KRIT1: variants seen among roughly 807,000 people sequenced by gnomAD.
KRIT1 encodes the protein KRIT1 ankyrin repeat containing, also known as krev interaction trapped protein 1.
A neutral mutation model predicts 95.8 loss-of-function variants in KRIT1; 45 were observed. The observed-to-expected ratio is 0.47, with a 90% CI of 0.37 to 0.60. KRIT1 has a LOEUF of 0.60. Among genes scored for constraint, KRIT1 ranks in the 20% least tolerant of loss-of-function variants. The pLI is 0.00. For synonymous variants in KRIT1, 282 were observed against 278.8 expected (o/e 1.01, Z -0.11); for missense variants, 788 against 877.5 (o/e 0.90, Z 1.29).
At position 92,235,630 on chromosome 7, in the gene KRIT1, G is replaced by A; in HGVS notation, c.502C>T (p.His168Tyr). ...IALDKWLDER[H>Y]AQSHFIPALF... Reference sequence around the variant, plus strand: ...GCTGGAATAAAGTGAGATTGTGCATGACGTTCATCTAACCACCTGGCAAAA... The same window carrying A: ...GCTGGAATAAAGTGAGATTGTGCATAACGTTCATCTAACCACCTGGCAAAA... Residue 168 changes from histidine (H) to tyrosine (Y), a missense_variant, in exon 8 of 19, where the codon CAT becomes TAT. His to Tyr is a moderately conservative substitution (Grantham distance 83). Around this residue, in one of 3 missense-constraint regions of KRIT1, gnomAD observed 289 missense variants for 277.5 expected, o/e 1.04. Coordinates refer to ENST00000394505, the MANE Select transcript of KRIT1 (RefSeq NM_194454.3). 2 of 1,613,750 alleles carry A rather than the reference G, an allele frequency of 1.2e-6. No individual in the cohort carries two copies. Among genetic ancestry groups the A allele is most frequent in the Non-Finnish European group, 1.7e-6 (2 of 1,179,888 alleles).
chr7:92,243,012 G>C (rs1800028828), intron 3 of KRIT1, among the ~76,000 whole-genome samples: 1 of 152,168 alleles, frequency 6.6e-6, no homozygotes, highest in Non-Finnish European at 1.5e-5. Flanking sequence ...TAGAGATGGA[G>C]TTTTACCATG....
chr7:92,213,864 G>T, intron 16 of KRIT1, 28 bp downstream of exon 16: 1 of 1,315,576 alleles, frequency 7.6e-7, no homozygotes, highest in Non-Finnish European at 1.1e-6. Flanking sequence ...CCTATAAAAT[G>T]TCTTTTCATT....
intron 17 of KRIT1, among the ~76,000 whole-genome samples, chr7:92,211,107 T>C (rs367893791): frequency 6.6e-6 from 1 of 152,186 alleles, no homozygotes; most frequent in African/African-American, 2.4e-5. Context: ...AGAGCCATTA[T>C]GGAAAACAGT....
intron 17 of KRIT1, among the ~76,000 whole-genome samples, chr7:92,209,301 C>T (rs569254010): frequency 3.3e-5 from 5 of 152,218 alleles, no homozygotes; most frequent in Middle Eastern, 3.4e-3. Flanking sequence ...GACAAGGATA[C>T]CCCACTTTCA....
At chr7:92,214,490 T>C in intron 15 of KRIT1, 121 bp downstream of exon 15, 1 of 734,228 alleles carries the variant, frequency 1.4e-6, no homozygotes, top group Non-Finnish European at 2.3e-6. Context: ...TTCTATGTCT[T>C]ATATTATTTA....
At chr7:92,231,724 A>G (rs1282173127) in intron 10 of KRIT1, among the ~76,000 whole-genome samples, 1 of 152,194 alleles carries the variant, frequency 6.6e-6, no homozygotes, top group African/African-American at 2.4e-5. Flanking sequence ...CAATTAAATG[A>G]GGCATCCAAC....
intron 17 of KRIT1, among the ~76,000 whole-genome samples, chr7:92,207,715 G>C (rs1436283047): frequency 6.6e-6 from 1 of 152,126 alleles, no homozygotes; most frequent in Admixed American, 6.6e-5. Context: ...AAATTAGCCA[G>C]GTGTGGTGGC....
chr7:92,214,467 A>G (rs941533927), intron 15 of KRIT1, 144 bp downstream of exon 15: 7 of 644,728 alleles, frequency 1.1e-5, no homozygotes, highest in Admixed American at 6.1e-5. Flanking sequence ...CTTTAGTATA[A>G]TATTTTTTCT....
chr7:92,210,939 G>A (rs879768457), intron 17 of KRIT1, among the ~76,000 whole-genome samples: 5 of 152,044 alleles, frequency 3.3e-5, no homozygotes, highest in African/African-American at 7.2e-5. Flanking sequence ...TGCTTACCAC[G>A]AGTAATCATC....
chr7:92,214,338 T>A (rs543254029), intron 15 of KRIT1, among the ~76,000 whole-genome samples: 3 of 152,232 alleles, frequency 2.0e-5, no homozygotes, highest in Admixed American at 1.3e-4. Context: ...TACTACTTAT[T>A]CGAGTCAGGT....
chr7:92,214,488 CTTATA>C (rs765941314), intron 15 of KRIT1, 118 bp downstream of exon 15: 11 of 726,982 alleles, frequency 1.5e-5, no homozygotes, highest in African/African-American at 1.4e-4. Flanking sequence ...CATTCTATGT[CTTATA>C]TTATTTAATT....
chr7:92,206,652 A>T (rs1043007863), intron 17 of KRIT1: 2 of 152,218 alleles, frequency 1.3e-5, no homozygotes, highest in Non-Finnish European at 2.9e-5. Flanking sequence ...AAATATAACG[A>T]TACAAAAAAC....
rs1798449774 is a variant in KRIT1, at chr7:92,236,453, A to T, written c.445T>A (p.Phe149Ile). The change falls in exon 7 of 19, where the codon TTT (phenylalanine) becomes ATT (isoleucine). Residue 149 changes from phenylalanine to isoleucine, a missense_variant. Around this residue, in one of 3 missense-constraint regions of KRIT1, gnomAD observed 289 missense variants for 277.5 expected, o/e 1.04. Transcript: ENST00000394505. ...MRVCSESSTH[F>I]ATLTARMLIA... ...AACATCCTTGCTGTAAGTGTAGCAA[A>T]ATGAGTACTGGATTCACTACAGACT... The T allele has an allele frequency of 6.2e-7, 1 of 1,606,118 alleles. No homozygotes were observed. The highest frequency in any genetic ancestry group is 1.7e-5 in the Admixed American group (1 of 59,982).
intron 8 of KRIT1, 50 bp from the exon 9 acceptor site, chr7:92,234,973 A>C: frequency 2.3e-6 from 2 of 859,580 alleles, no homozygotes; most frequent in Non-Finnish European, 4.0e-6. Context: ...TTGTCATCTT[A>C]ATGTTTACAT....
At chr7:92,240,861 T>A in intron 5 of KRIT1, 132 bp downstream of exon 5, 1 of 763,026 alleles carries the variant, frequency 1.3e-6, no homozygotes, top group South Asian at 1.6e-5. Flanking sequence ...AAAAAACACT[T>A]GAGTTTTTTT....
intron 18 of KRIT1, 57 bp downstream of exon 18, chr7:92,201,250 A>C (rs1469517712): frequency 2.3e-6 from 2 of 851,546 alleles, no homozygotes; most frequent in African/African-American, 1.7e-5. Context: ...TTTTTTAAAA[A>C]AAGAAGTAAC....
intron 10 of KRIT1, among the ~76,000 whole-genome samples, chr7:92,228,311 A>C (rs1563284051): frequency 6.6e-6 from 1 of 152,242 alleles, no homozygotes. Flanking sequence ...GACTTATGTA[A>C]GGCTGCACTC....
At chr7:92,212,613 G>A (rs1276710221) in intron 17 of KRIT1, among the ~76,000 whole-genome samples, 2 of 152,082 alleles carry the variant, frequency 1.3e-5, no homozygotes, top group African/African-American at 2.4e-5. Flanking sequence ...CCAGAAAAAC[G>A]CTCTCACTAG....
At chr7:92,243,075 C>T (rs2131795659) in intron 3 of KRIT1, among the ~76,000 whole-genome samples, 1 of 152,304 alleles carries the variant, frequency 6.6e-6, no homozygotes, top group East Asian at 1.9e-4. Context: ...CTGCCTCGGC[C>T]TCCCAAAGTG....
Sources: gnomAD v4.1 joint callset for allele counts (sites outside exome capture counted in the v4.1 genomes callset) on GRCh38, gnomAD v4.1.1 for gene constraint, gnomAD v4.1.1 regional missense constraint, MANE v1.5 for transcripts, NCBI Gene and HGNC (gene_info 2026-07-23, HGNC 2026-07-21) for gene names.